The following NTN1 variants were observed in gnomAD, a reference collection of about 807,000 sequenced individuals.
NTN1 encodes netrin 1.
In NTN1, 11 loss-of-function variants were observed where a neutral mutation model predicts 54.2. The observed-to-expected ratio is 0.20, with a 90% confidence interval of 0.13 to 0.34. NTN1 has a LOEUF of 0.34. Ranked by LOEUF, NTN1 falls within the 10% of genes least tolerant of loss-of-function variation. NTN1 has a pLI of 1.00. For missense variants in NTN1, 740 were observed against 893.1 expected, an observed-to-expected ratio of 0.83 and a Z score of 2.18; for synonymous variants, 371 against 382.0, an observed-to-expected ratio of 0.97 and a Z score of 0.33.
intron 2 of NTN1, among the ~76,000 whole-genome samples, chr17:9,059,708 T>G (rs2091990037): frequency 6.6e-6 from 1 of 151,934 alleles, no homozygotes; most frequent in South Asian, 2.1e-4. Context: ...TTAGGGAAGA[T>G]GAAAACATTT....
rs11868194 is a variant in NTN1 at position 9,209,129 on chromosome 17, A to G, written c.1412-12039A>G. The stretch of plus-strand genomic sequence containing the variant: ...CTCCCCTTACCCATCTCACGGCACC[A>G]TAGTCATTTCCTCCTAAATCCTGTG... On this transcript the variant is annotated intron_variant, in intron 5 of 6. Coordinates refer to ENST00000173229, the MANE Select transcript of NTN1 (RefSeq NM_004822.3). Among the ~76,000 whole-genome samples, 908 of 152,332 alleles carry G rather than the reference A, an allele frequency of 6.0e-3. 10 individuals carry two copies. Among genetic ancestry groups the G allele is most frequent in the African/African-American group, 0.021 (861 of 41,574 alleles).
chr17:9,134,732 G>A (rs1181878547), intron 2 of NTN1, among the ~76,000 whole-genome samples: 1 of 152,174 alleles, frequency 6.6e-6, no homozygotes, highest in Non-Finnish European at 1.5e-5. Flanking sequence ...TTCTAGGTGC[G>A]AAGTGAACAT....
rs955173691 is a variant in NTN1 at position 9,219,298 on chromosome 17, C to T, written c.1412-1870C>T. Among the ~76,000 whole-genome samples the T allele has an allele frequency of 1.3e-5, 2 of 152,204 alleles. No homozygotes were observed. The highest frequency in any genetic ancestry group is 2.9e-5 in the Non-Finnish European group (2 of 68,050). ...CTCTCTCTGGACAGCCCAGTCCCTGCACCCCAAGAAATCCCTACTCTAGTA... is the reference window on the plus strand; with the variant it reads ...CTCTCTCTGGACAGCCCAGTCCCTGTACCCCAAGAAATCCCTACTCTAGTA... On this transcript the variant is annotated intron_variant, in intron 5 of 6. Coordinates refer to ENST00000173229, the MANE Select transcript of NTN1 (RefSeq NM_004822.3). The surrounding 1 kb of genome is among the most constrained non-coding windows in gnomAD (Gnocchi z 4.5).
intron 2 of NTN1, among the ~76,000 whole-genome samples, chr17:9,104,195 G>A (rs563783327): frequency 1.1e-4 from 17 of 151,866 alleles, no homozygotes; most frequent in South Asian, 8.3e-4. Flanking sequence ...GTGGTTGCCC[G>A]AGGTTAGGGG....
intron 2 of NTN1, among the ~76,000 whole-genome samples, chr17:9,132,133 C>A (rs1328161121): frequency 6.6e-6 from 1 of 152,118 alleles, no homozygotes; most frequent in Non-Finnish European, 1.5e-5. Context: ...AGGCTAGATT[C>A]CTGGGTGGTT....
chr17:9,218,915 G>GAAAAA (rs58849878), intron 5 of NTN1, among the ~76,000 whole-genome samples: 15 of 141,176 alleles, frequency 1.1e-4, no homozygotes, highest in African/African-American at 3.9e-4. Flanking sequence ...TGGCTTTTGT[G>GAAAAA]AAAAAAAAAA....
At chr17:9,114,219 T>C (rs2092203135) in intron 2 of NTN1, among the ~76,000 whole-genome samples, 1 of 144,552 alleles carries the variant, frequency 6.9e-6, no homozygotes, top group South Asian at 2.2e-4. Flanking sequence ...GTATTATTTA[T>C]TGACTTAAAA....
At chr17:9,020,128 G>A (rs1021151333), upstream of NTN1, among the ~76,000 whole-genome samples, 1 of 152,202 alleles carries the variant, frequency 6.6e-6, no homozygotes, top group Admixed American at 6.5e-5. Context: ...GACGAGCCCC[G>A]AGGCCCCTTC....
chr17:9,121,571 C>T (rs1050973476), intron 2 of NTN1, among the ~76,000 whole-genome samples: 3 of 152,194 alleles, frequency 2.0e-5, no homozygotes, highest in East Asian at 1.9e-4. Flanking sequence ...CACATGCTCT[C>T]TGCAGAGGCC....
At chr17:9,045,516 C>T (rs1297269489) in intron 2 of NTN1, among the ~76,000 whole-genome samples, 2 of 152,060 alleles carry the variant, frequency 1.3e-5, no homozygotes, top group Non-Finnish European at 2.9e-5. Flanking sequence ...TATCCTTCTG[C>T]CAAGGGGTGA....
intron 2 of NTN1, among the ~76,000 whole-genome samples, chr17:9,080,136 C>T (rs576767721): frequency 7.9e-4 from 121 of 152,370 alleles, no homozygotes; most frequent in South Asian, 1.0e-3. Context: ...TTTCCAGGCT[C>T]CTTGCAGTCT....
intron 2 of NTN1, among the ~76,000 whole-genome samples, chr17:9,028,511 A>C (rs939321700): frequency 6.6e-6 from 1 of 152,168 alleles, no homozygotes; most frequent in African/African-American, 2.4e-5. Context: ...GCTCTCTATT[A>C]GCCCTGCCCA....
intron 5 of NTN1, among the ~76,000 whole-genome samples, chr17:9,196,020 T>G: frequency 6.6e-6 from 1 of 152,194 alleles, no homozygotes; most frequent in East Asian, 1.9e-4. Context: ...GGAGCTGGGC[T>G]AAAGGATACA....
chr17:9,228,933 G>C (rs1357528676), intron 6 of NTN1, among the ~76,000 whole-genome samples: 4 of 55,664 alleles, frequency 7.2e-5, no homozygotes, highest in African/African-American at 1.8e-4. Context: ...TGTGTGACTG[G>C]GTGTGTGGCT....
In NTN1 at chr17:9,210,454, ACACACACACACACT is replaced by A. The variant is rs1905074682; in HGVS notation, c.1412-10712_1412-10699del. Among the ~76,000 whole-genome samples the A allele has an allele frequency of 3.4e-5, 5 of 147,468 alleles. No homozygotes were observed. In the South Asian group the frequency reaches 8.5e-4, roughly 25 times the overall value. On this transcript the variant is annotated intron_variant, in intron 5 of 6. Transcript: ENST00000173229. Reference sequence around the variant, plus strand: ...CACACACCCCCACACCCACACACACACACACACACACACTCTTCTGCTGTCTCCTGGGGAGGGGG... The same window carrying A: ...CACACACCCCCACACCCACACACACACTTCTGCTGTCTCCTGGGGAGGGGG...
At chr17:9,160,673 T>A (rs2092354737) in intron 2 of NTN1, among the ~76,000 whole-genome samples, 1 of 152,136 alleles carries the variant, frequency 6.6e-6, no homozygotes, top group Non-Finnish European at 1.5e-5. Context: ...ATTTCTTAGG[T>A]TGGGTGTGGT....
At chr17:9,142,269 A>G (rs1359539280) in intron 2 of NTN1, among the ~76,000 whole-genome samples, 2 of 151,868 alleles carry the variant, frequency 1.3e-5, no homozygotes. Context: ...AGCCTGGACA[A>G]TAGAATAAGA....
intron 2 of NTN1, among the ~76,000 whole-genome samples, chr17:9,058,872 G>A (rs1238013435): frequency 6.6e-6 from 1 of 152,146 alleles, no homozygotes; most frequent in East Asian, 1.9e-4. Flanking sequence ...AGACAGTAGA[G>A]TGGTTTAAGA....
At chr17:9,199,258 T>C (rs539196374) in intron 5 of NTN1, among the ~76,000 whole-genome samples, 1 of 152,350 alleles carries the variant, frequency 6.6e-6, no homozygotes, top group African/African-American at 2.4e-5. Flanking sequence ...TTCTCCTGCC[T>C]CAGCCTCCCA....
Sources: allele counts gnomAD v4.1 joint callset (sites outside exome capture counted in the v4.1 genomes callset), GRCh38; gene constraint gnomAD v4.1.1; non-coding constraint Gnocchi (gnomAD v3.1); transcripts MANE v1.5; gene names NCBI Gene and HGNC (gene_info 2026-07-23, HGNC 2026-07-21).